The following CDX1 variants were observed in gnomAD, a reference collection of about 807,000 sequenced individuals.
The protein encoded by CDX1 is homeobox protein CDX-1.
Under a neutral mutation model 16.9 loss-of-function variants are expected in CDX1, and 9 were observed. The ratio of observed to expected loss-of-function variants is 0.53; its 90% CI spans 0.32 to 0.93. CDX1 has a LOEUF of 0.93. CDX1 is among the 40% of genes least tolerant of loss of function. The pLI is 0.04. For missense variants in CDX1, 393 were observed against 386.1 expected, an observed-to-expected ratio of 1.02 and a Z score of -0.15; for synonymous variants, 179 against 179.0, an observed-to-expected ratio of 1.00 and a Z score of 0.00.
intron 1 of CDX1, among the ~76,000 whole-genome samples, chr5:150,179,229 C>T (rs953812015): frequency 3.9e-5 from 6 of 152,156 alleles, no homozygotes; most frequent in African/African-American, 1.2e-4. Context: ...TTGGCAGAGC[C>T]ATTTTCTTGC....
chr5:150,172,997 G>A (rs779547362), intron 1 of CDX1, among the ~76,000 whole-genome samples: 12 of 152,142 alleles, frequency 7.9e-5, no homozygotes, highest in Non-Finnish European at 1.3e-4. Context: ...AGTCAAGGCC[G>A]TCACCATGTT....
chr5:150,181,356 C>G lies in CDX1; in HGVS notation c.446-1412C>G, dbSNP rs1049899924. Among the ~76,000 whole-genome samples the G allele has an allele frequency of 4.6e-5, 7 of 152,228 alleles. No individual in the cohort carries two copies. The East Asian group carries it at 5.8e-4, about 13-fold the overall frequency. ...AATCCTGGCTCACCACAACCTCCAC[C>G]TCCCAGGTTCAAGCAATTCTCCTGT... On this transcript the variant is annotated intron_variant, in intron 1 of 2. Transcript: ENST00000231656.
At chr5:150,174,584 C>T (rs1761544855) in intron 1 of CDX1, among the ~76,000 whole-genome samples, 1 of 152,190 alleles carries the variant, frequency 6.6e-6, no homozygotes, top group African/African-American at 2.4e-5. Flanking sequence ...AGGCAGCCAC[C>T]AGCTGCACAT....
At chr5:150,168,261 C>T (rs1482662453) in intron 1 of CDX1, among the ~76,000 whole-genome samples, 1 of 152,238 alleles carries the variant, frequency 6.6e-6, no homozygotes, top group African/African-American at 2.4e-5. Flanking sequence ...CCTCCCCTTA[C>T]CCCAGCTGCG....
chr5:150,180,522 G>A (rs544681658), intron 1 of CDX1, among the ~76,000 whole-genome samples: 84 of 152,318 alleles, frequency 5.5e-4, no homozygotes, highest in Non-Finnish European at 9.8e-4. Flanking sequence ...GGGGACAGGC[G>A]TCAGAATGGG....
At position 150,177,887 on chromosome 5, in the gene CDX1, T is replaced by C. The variant is rs947773163; in HGVS notation, c.446-4881T>C. 5.3e-5 allele frequency among the ~76,000 whole-genome samples: 8 copies of C among 151,372 alleles called. No homozygotes were observed. The South Asian group carries it at 1.5e-3, about 28-fold the overall frequency. ...CCGAGACACCTCTGGAGTCACAGAG[T>C]GTACCTCTGTTGGGCTCCACAGCCC... On this transcript the variant is annotated intron_variant, in intron 1 of 2. Coordinates refer to ENST00000231656, the MANE Select transcript of CDX1 (RefSeq NM_001804.3).
In CDX1 at chr5:150,183,632, C is replaced by T. The variant is rs1752500625; in HGVS notation, c.750C>T (p.Leu250=). The change falls in exon 3 of 3, where the codon CTC becomes CTT. Residue 250 remains leucine (L), a synonymous_variant. Coordinates refer to ENST00000231656, the MANE Select transcript of CDX1 (RefSeq NM_001804.3). The stretch of plus-strand genomic sequence containing the variant: ...GCCTGTGTCCCAGCAACACCAGCCT[C>T]CTGGCCACCTCCTCTCCAATGCCTG... ...LGGLCPSNTS[L]LATSSPMPVK... is the part of the protein sequence containing the mutation. The T allele has an allele frequency of 6.2e-7, 1 of 1,608,030 alleles. No individual in the cohort carries two copies. The highest frequency in any genetic ancestry group is 1.7e-5 in the Admixed American group (1 of 59,620).
chr5:150,180,498 T>C (rs1761627595), intron 1 of CDX1, among the ~76,000 whole-genome samples: 1 of 152,052 alleles, frequency 6.6e-6, no homozygotes. Flanking sequence ...CCAAGCTGCG[T>C]GGGCTTGGTG....
At chr5:150,181,294 G>A (rs1001029329) in intron 1 of CDX1, among the ~76,000 whole-genome samples, 1 of 152,156 alleles carries the variant, frequency 6.6e-6, no homozygotes, top group Non-Finnish European at 1.5e-5. Flanking sequence ...TTGAGACGGA[G>A]TCTCACTCGA....
intron 1 of CDX1, among the ~76,000 whole-genome samples, chr5:150,178,754 G>A (rs1012081799): frequency 3.3e-5 from 5 of 152,128 alleles, no homozygotes; most frequent in African/African-American, 9.7e-5. Flanking sequence ...CTGGCTTCTT[G>A]TATATTCTTT....
At chr5:150,180,896 C>G (rs542433952) in intron 1 of CDX1, among the ~76,000 whole-genome samples, 113 of 152,318 alleles carry the variant, frequency 7.4e-4, no homozygotes, top group Non-Finnish European at 1.4e-3. Context: ...GGGCCCCAGG[C>G]TGAGCCTCAT....
At chr5:150,180,375 G>C (rs962110481) in intron 1 of CDX1, among the ~76,000 whole-genome samples, 1 of 152,232 alleles carries the variant, frequency 6.6e-6, no homozygotes, top group African/African-American at 2.4e-5. Flanking sequence ...GAAGCGTCCA[G>C]TGTGGTTCCT....
At chr5:150,174,707 C>T (rs918160078) in intron 1 of CDX1, among the ~76,000 whole-genome samples, 1 of 151,370 alleles carries the variant, frequency 6.6e-6, no homozygotes, top group African/African-American at 2.4e-5. Context: ...AAATCTCTCT[C>T]AAGAGTTCCC....
chr5:150,182,362 G>A (rs183485567), intron 1 of CDX1, among the ~76,000 whole-genome samples: 4 of 152,190 alleles, frequency 2.6e-5, no homozygotes, highest in Admixed American at 2.6e-4. Context: ...CAGAACCTGT[G>A]TTCTTCACAA....
rs1300431511 is a variant in CDX1, at chr5:150,167,287, G to A, written c.411G>A (p.Arg137=). 1.6e-6 allele frequency: 2 copies of A among 1,263,508 alleles called. No homozygotes were observed. Among genetic ancestry groups the A allele is most frequent in the Non-Finnish European group, 2.0e-6 (2 of 1,009,764 alleles). 78.3% of individuals were successfully genotyped at this position (1,263,508 alleles called of 1,614,324 possible). A position where few individuals can be genotyped will look rare whatever the true frequency, so the allele number is the denominator to read the frequency against. The change falls in exon 1 of 3, where the codon CGG becomes CGA. Residue 137 remains arginine, a synonymous_variant. Transcript: ENST00000231656. ...AQRPTPYEWM[R]RSVAAGGGGG... ...GGCCGACGCCCTACGAGTGGATGCGGCGCAGCGTGGCGGCCGGAGGCGGCG... is the reference window on the plus strand; with the variant it reads ...GGCCGACGCCCTACGAGTGGATGCGACGCAGCGTGGCGGCCGGAGGCGGCG...
At chr5:150,182,653 C>A in intron 1 of CDX1, 115 bp from the exon 2 acceptor site, 1 of 974,354 alleles carries the variant, frequency 1.0e-6, no homozygotes. Flanking sequence ...CTCCCCACCT[C>A]AGGGTCCTAC....
chr5:150,174,261 G>C (rs764659114), intron 1 of CDX1, among the ~76,000 whole-genome samples: 6 of 152,236 alleles, frequency 3.9e-5, no homozygotes, highest in Admixed American at 1.3e-4. Context: ...AGATGGCCAG[G>C]GGGGCAGTGG....
rs770982308 is a variant in CDX1 at position 150,167,195 on chromosome 5, C to T, written c.319C>T (p.Pro107Ser). The change falls in exon 1 of 3, where the codon CCC becomes TCC. Residue 107 changes from proline to serine, a missense_variant. Pro to Ser is a moderately conservative substitution (Grantham distance 74, BLOSUM62 -1). Transcript: ENST00000231656. ...DFSPVPAPPG[P>S]GPGLLAQPLG... The stretch of plus-strand genomic sequence containing the variant: ...TAGCCCGGTGCCGGCGCCCCCTGGG[C>T]CCGGCCCGGGCCTCCTGGCGCAGCC... The T allele has an allele frequency of 3.4e-5, 43 of 1,269,862 alleles. No individual in the cohort carries two copies. In the South Asian group the frequency reaches 1.2e-3, roughly 35 times the overall value. 78.7% of individuals were successfully genotyped at this position (1,269,862 alleles called of 1,614,324 possible). A position where few individuals can be genotyped will look rare whatever the true frequency, so the allele number is the denominator to read the frequency against.
At chr5:150,168,946 A>C (rs1761469679) in intron 1 of CDX1, among the ~76,000 whole-genome samples, 1 of 152,244 alleles carries the variant, frequency 6.6e-6, no homozygotes, top group Non-Finnish European at 1.5e-5. Context: ...AGCTTTATCC[A>C]TAAATCCGGG....
Sources: allele counts gnomAD v4.1 joint callset (sites outside exome capture counted in the v4.1 genomes callset), GRCh38; gene constraint gnomAD v4.1.1; transcripts MANE v1.5; gene names NCBI Gene and HGNC (gene_info 2026-07-23, HGNC 2026-07-21).